Variants in TAS2R1 observed in about 807,000 individuals in gnomAD.
The protein encoded by TAS2R1 is taste 2 receptor member 1.
For missense variants in TAS2R1, 370 were observed against 353.4 expected (o/e 1.05, Z -0.38); for synonymous variants, 141 against 134.2 (o/e 1.05, Z -0.35).
At chr5:9,637,401 T>G (rs1364322271) in intron 2 of TAS2R1, among the ~76,000 whole-genome samples, 2 of 152,232 alleles carry the variant, frequency 1.3e-5, no homozygotes, top group Non-Finnish European at 2.9e-5. Flanking sequence ...GGTGACTATG[T>G]GCCTAGGTGA....
At chr5:9,896,638 T>A in the TAS2R1 span, among the ~76,000 whole-genome samples, 1 of 152,180 alleles carries the variant, frequency 6.6e-6, no homozygotes, top group Non-Finnish European at 1.5e-5. Flanking sequence ...TGGCTTTACT[T>A]TGTGCCCCAA....
the TAS2R1 span, among the ~76,000 whole-genome samples, chr5:9,842,252 G>A: frequency 6.6e-6 from 1 of 151,294 alleles, no homozygotes; most frequent in South Asian, 2.1e-4. Flanking sequence ...AAAGCCCCTG[G>A]AGCATGTTAT....
At chr5:9,761,334 A>C in the TAS2R1 span, among the ~76,000 whole-genome samples, 8 of 152,034 alleles carry the variant, frequency 5.3e-5, no homozygotes, top group African/African-American at 1.9e-4. Context: ...TTGGAGCTGA[A>C]CAGGAGGGAA....
the TAS2R1 span, among the ~76,000 whole-genome samples, chr5:9,891,428 A>T: frequency 6.6e-6 from 1 of 152,314 alleles, no homozygotes; most frequent in Admixed American, 6.5e-5. Context: ...TTTAAATTTA[A>T]TTCCTAACAT....
the TAS2R1 span, among the ~76,000 whole-genome samples, chr5:9,899,872 T>C: frequency 6.6e-6 from 1 of 152,124 alleles, no homozygotes; most frequent in African/African-American, 2.4e-5. Context: ...ATTACATCAT[T>C]AGAAGGTGGT....
At chr5:9,854,399 G>A in the TAS2R1 span, 1 of 151,960 alleles carries the variant, frequency 6.6e-6, no homozygotes, top group Non-Finnish European at 1.5e-5. Context: ...TGGGAGTTAA[G>A]ACCCCAACAT....
chr5:9,750,052 T>C, the TAS2R1 span, among the ~76,000 whole-genome samples: 1 of 152,210 alleles, frequency 6.6e-6, no homozygotes, highest in Non-Finnish European at 1.5e-5. Flanking sequence ...TGAGCTATCT[T>C]GTCTTCTGGC....
chr5:9,674,642 A>C (rs930701496), intron 1 of TAS2R1, among the ~76,000 whole-genome samples: 4 of 152,192 alleles, frequency 2.6e-5, no homozygotes, highest in Non-Finnish European at 4.4e-5. Context: ...AATTACATAT[A>C]CATGCATTCA....
At chr5:9,796,481 T>C in the TAS2R1 span, among the ~76,000 whole-genome samples, 1 of 151,862 alleles carries the variant, frequency 6.6e-6, no homozygotes, top group South Asian at 2.1e-4. Context: ...TTGAGTAAGG[T>C]GAACAACTGT....
the TAS2R1 span, among the ~76,000 whole-genome samples, chr5:9,719,991 G>A: frequency 7.8e-3 from 1,129 of 144,694 alleles, 11 homozygotes; most frequent in African/African-American, 0.023. Context: ...TTGCCTTCAT[G>A]ACCACTCCTC....
the TAS2R1 span, among the ~76,000 whole-genome samples, chr5:9,825,411 A>T: frequency 6.6e-6 from 1 of 152,186 alleles, no homozygotes; most frequent in Non-Finnish European, 1.5e-5. Flanking sequence ...AGAACAGCAC[A>T]GGAAAGACCT....
the TAS2R1 span, among the ~76,000 whole-genome samples, chr5:9,788,446 A>C: frequency 6.6e-6 from 1 of 152,176 alleles, no homozygotes; most frequent in Non-Finnish European, 1.5e-5. Context: ...AATCCTTGCT[A>C]GCATCCAGTT....
chr5:9,724,139 G>T, the TAS2R1 span, among the ~76,000 whole-genome samples: 1 of 152,182 alleles, frequency 6.6e-6, no homozygotes, highest in Non-Finnish European at 1.5e-5. Flanking sequence ...ACCAGTGCAT[G>T]CCTTATTGAA....
At chr5:9,652,621 C>A (rs1262389100) in intron 2 of TAS2R1, among the ~76,000 whole-genome samples, 3 of 152,144 alleles carry the variant, frequency 2.0e-5, no homozygotes, top group Non-Finnish European at 1.5e-5. Context: ...GAAAAGTAAG[C>A]TTTTATTGTA....
rs1225774377 is a variant in TAS2R1 at position 9,644,989 on chromosome 5, A to G, written c.-81+14432T>C. 2.6e-5 allele frequency among the ~76,000 whole-genome samples: 4 copies of G among 152,278 alleles called. No individual in the cohort carries two copies. The East Asian group carries it at 7.7e-4, about 29-fold the overall frequency. On this transcript the variant is annotated intron_variant, in intron 2 of 2. Transcript: ENST00000506620. ...GCAGATTTTTATTGGTGCTATATTT[A>G]ATAAATTTGATTATCTATGTTATGC...
the TAS2R1 span, among the ~76,000 whole-genome samples, chr5:9,829,841 G>A: frequency 2.0e-5 from 3 of 151,730 alleles, no homozygotes; most frequent in South Asian, 2.1e-4. Flanking sequence ...TACCCCAAGC[G>A]AAAAAAAGCT....
chr5:9,681,401 C>T (rs1159357235), intron 1 of TAS2R1, among the ~76,000 whole-genome samples: 2 of 151,490 alleles, frequency 1.3e-5, no homozygotes, highest in Admixed American at 6.6e-5. Context: ...TCCTTTAAGC[C>T]CTTTAATGTT....
intron 2 of TAS2R1, among the ~76,000 whole-genome samples, chr5:9,647,102 C>T (rs1416674877): frequency 6.6e-6 from 1 of 151,994 alleles, no homozygotes; most frequent in Non-Finnish European, 1.5e-5. Context: ...AAATGAAAAA[C>T]CATGAACTCG....
chr5:9,857,293 G>T, the TAS2R1 span, among the ~76,000 whole-genome samples: 3 of 152,178 alleles, frequency 2.0e-5, no homozygotes, highest in Non-Finnish European at 2.9e-5. Context: ...TAGAAGAATT[G>T]CAAGACAAAG....
Sources: gnomAD v4.1 joint callset for allele counts (sites outside exome capture counted in the v4.1 genomes callset) on GRCh38, gnomAD v4.1.1 for gene constraint, MANE v1.5 for transcripts, NCBI Gene and HGNC (gene_info 2026-07-23, HGNC 2026-07-21) for gene names.